SLAIN2: variants seen among roughly 807,000 people sequenced by gnomAD.
SLAIN2 encodes the protein SLAIN motif-containing protein 2.
In SLAIN2, 31 loss-of-function variants were observed where a neutral mutation model predicts 56.6. The observed-to-expected ratio is 0.55, with a 90% CI of 0.41 to 0.74. The LOEUF (loss-of-function observed/expected upper bound fraction) is 0.74, where lower values mean the gene tolerates loss of function less well. Ranked by LOEUF, SLAIN2 falls within the 30% of genes least tolerant of loss-of-function variation. The pLI is 0.00. For missense variants in SLAIN2, 777 were observed against 754.2 expected (o/e 1.03, Z -0.35); for synonymous variants, 317 against 284.9 (o/e 1.11, Z -1.13).
At chr4:48,406,388 A>C (rs1255978875) in intron 6 of SLAIN2, among the ~76,000 whole-genome samples, 1 of 152,038 alleles carries the variant, frequency 6.6e-6, no homozygotes, top group Non-Finnish European at 1.5e-5. Flanking sequence ...ATTTCTTAGC[A>C]ACACATAGAA....
Position 48,342,083 on chromosome 4 carries a change from A to G in SLAIN2, c.344A>G (p.Asp115Gly). 1 of 1,366,806 alleles carries G rather than the reference A, an allele frequency of 7.3e-7. No individual in the cohort carries two copies. The highest frequency in any genetic ancestry group is 9.4e-7 in the Non-Finnish European group (1 of 1,067,302). 84.7% of individuals were successfully genotyped at this position (1,366,806 alleles called of 1,614,324 possible). The stretch of plus-strand genomic sequence containing the variant: ...GACGAGGTGGAGCCGCTGCGGCCCG[A>G]CGAGCTGGAGCGCCTGTCAGGCTGG... ...LLDEVEPLRP[D>G]ELERLSGWEE... Residue 115 changes from aspartate to glycine, a missense_variant, in exon 1 of 8, where the codon GAC becomes GGC. Coordinates refer to ENST00000264313, the MANE Select transcript of SLAIN2 (RefSeq NM_020846.2).
chr4:48,406,725 G>A (rs4695376), intron 6 of SLAIN2, among the ~76,000 whole-genome samples: 45,592 of 151,766 alleles, frequency 0.3, 7,038 homozygotes, highest in South Asian at 0.48. Flanking sequence ...ATTCCTTAAG[G>A]AATTATGAGA....
At chr4:48,380,991 C>G (rs1715956530) in intron 4 of SLAIN2, among the ~76,000 whole-genome samples, 1 of 152,252 alleles carries the variant, frequency 6.6e-6, no homozygotes, top group African/African-American at 2.4e-5. Flanking sequence ...AGCCCTGCAA[C>G]CTAATAGCAG....
At chr4:48,381,217 A>G (rs993714259) in intron 4 of SLAIN2, among the ~76,000 whole-genome samples, 1 of 152,124 alleles carries the variant, frequency 6.6e-6, no homozygotes, top group African/African-American at 2.4e-5. Context: ...TTGGTTTTGT[A>G]TTGTGTTTTG....
chr4:48,352,558 G>T (rs1715040356), intron 1 of SLAIN2, among the ~76,000 whole-genome samples: 1 of 152,116 alleles, frequency 6.6e-6, no homozygotes, highest in Non-Finnish European at 1.5e-5. Context: ...TTTGTTGTGG[G>T]TGCTATCCTG....
intron 1 of SLAIN2, among the ~76,000 whole-genome samples, chr4:48,345,111 C>T (rs1030798183): frequency 2.0e-5 from 3 of 152,162 alleles, no homozygotes; most frequent in African/African-American, 4.8e-5. Flanking sequence ...TCAAATAATG[C>T]GCACTGAATG....
At chr4:48,365,044 C>T (rs62309425) in intron 1 of SLAIN2, among the ~76,000 whole-genome samples, 80,434 of 151,886 alleles carry the variant, frequency 0.53, 22,363 homozygotes, top group South Asian at 0.69. Context: ...TTAGGTTGTT[C>T]ATAATATTCG....
At chr4:48,379,133 T>C (rs974186107) in intron 3 of SLAIN2, among the ~76,000 whole-genome samples, 1 of 152,176 alleles carries the variant, frequency 6.6e-6, no homozygotes, top group African/African-American at 2.4e-5. Context: ...TTTTCTGTCT[T>C]CCTTTTGGTT....
In SLAIN2 at chr4:48,420,199, A is replaced by G; in HGVS notation, c.1435A>G (p.Ser479Gly). Reference protein sequence around the residue: ...LALRQPVKAFSNHGSGSPGSQ... With the variant: ...LALRQPVKAFGNHGSGSPGSQ... Reference sequence around the variant, plus strand: ...TCTTCGGCAACCAGTGAAAGCATTTAGTAACCATGGCTCTGGTTCTCCTGG... The same window carrying G: ...TCTTCGGCAACCAGTGAAAGCATTTGGTAACCATGGCTCTGGTTCTCCTGG... Residue 479 changes from serine (S) to glycine (G), a missense_variant, in exon 7 of 8, where the codon AGT becomes GGT. Ser to Gly is a moderately conservative substitution (Grantham distance 56, BLOSUM62 0). Transcript: ENST00000264313. The G allele has an allele frequency of 6.2e-7, 1 of 1,613,994 alleles. No individual in the cohort carries two copies. The highest frequency in any genetic ancestry group is 8.5e-7 in the Non-Finnish European group (1 of 1,179,886).
At chr4:48,342,280 A>G (rs904596537) in intron 1 of SLAIN2, among the ~76,000 whole-genome samples, 152 bp downstream of exon 1, 3 of 152,092 alleles carry the variant, frequency 2.0e-5, no homozygotes, top group African/African-American at 7.2e-5. Flanking sequence ...GGCAGAGGGA[A>G]CGTCAGCTGG....
At chr4:48,393,637 A>G (rs916574799) in intron 6 of SLAIN2, among the ~76,000 whole-genome samples, 2 of 152,268 alleles carry the variant, frequency 1.3e-5, no homozygotes, top group African/African-American at 4.8e-5. Flanking sequence ...TTAGAGTGAC[A>G]AGAGCTCTCT....
At chr4:48,357,724 T>G (rs1439981717) in intron 1 of SLAIN2, among the ~76,000 whole-genome samples, 1 of 152,040 alleles carries the variant, frequency 6.6e-6, no homozygotes, top group Non-Finnish European at 1.5e-5. Context: ...CCCGGCTAAT[T>G]TTGCATTTTT....
chr4:48,418,284 T>G (rs1270419626), intron 6 of SLAIN2, among the ~76,000 whole-genome samples: 2 of 152,136 alleles, frequency 1.3e-5, no homozygotes, highest in Admixed American at 1.3e-4. Flanking sequence ...AAGTATAATG[T>G]TAACTGTAGG....
intron 6 of SLAIN2, chr4:48,387,272 A>C (rs1716125382): frequency 6.6e-6 from 1 of 152,190 alleles, no homozygotes; most frequent in Non-Finnish European, 1.5e-5. Flanking sequence ...TCTGTGTCTT[A>C]AACTTCACAA....
intron 1 of SLAIN2, among the ~76,000 whole-genome samples, chr4:48,352,424 ATTG>A (rs1230625675): frequency 1.3e-5 from 2 of 152,240 alleles, no homozygotes; most frequent in Admixed American, 6.5e-5. Flanking sequence ...TGGTTTCAAG[ATTG>A]TTTAGTTCCT....
intron 6 of SLAIN2, among the ~76,000 whole-genome samples, chr4:48,401,741 C>T (rs1716562489): frequency 6.6e-6 from 1 of 152,086 alleles, no homozygotes; most frequent in South Asian, 2.1e-4. Context: ...TACTCTGTGT[C>T]TTTTAATTGA....
chr4:48,411,644 G>T (rs1424438146), intron 6 of SLAIN2, among the ~76,000 whole-genome samples: 1 of 151,752 alleles, frequency 6.6e-6, no homozygotes, highest in African/African-American at 2.4e-5. Flanking sequence ...CCTGGAAGAG[G>T]GATTTGGCTG....
intron 1 of SLAIN2, among the ~76,000 whole-genome samples, chr4:48,345,400 A>G (rs757006248): frequency 1.2e-4 from 19 of 152,262 alleles, no homozygotes; most frequent in Non-Finnish European, 2.2e-4. Flanking sequence ...AATTAACTCT[A>G]AGTTGCTCAT....
At chr4:48,400,834 T>C (rs190963307) in intron 6 of SLAIN2, among the ~76,000 whole-genome samples, 13 of 152,294 alleles carry the variant, frequency 8.5e-5, no homozygotes, top group Non-Finnish European at 1.9e-4. Context: ...TTCTGCTAGC[T>C]TTGGAGTTTG....
Sources: gnomAD v4.1 joint callset for allele counts (sites outside exome capture counted in the v4.1 genomes callset) on GRCh38, gnomAD v4.1.1 for gene constraint, MANE v1.5 for transcripts, NCBI Gene and HGNC (gene_info 2026-07-23, HGNC 2026-07-21) for gene names.